The following TGM3 variants were observed in gnomAD, a reference collection of about 807,000 sequenced individuals.
TGM3 encodes protein-glutamine gamma-glutamyltransferase E.
A neutral mutation model predicts 73.8 loss-of-function variants in TGM3; 52 were observed. That is an observed-to-expected ratio of 0.70 (90% CI 0.56 to 0.89). TGM3 has a LOEUF of 0.89. Among genes scored for constraint, TGM3 ranks in the 40% least tolerant of loss-of-function variants. The pLI is 0.00. For missense variants in TGM3, 928 were observed against 909.9 expected (o/e 1.02, Z -0.26); for synonymous variants, 372 against 354.9 (o/e 1.05, Z -0.54).
intron 5 of TGM3, 21 bp from the exon 6 acceptor site, chr20:2,317,047 G>A (rs758643224): frequency 1.9e-6 from 3 of 1,610,054 alleles, no homozygotes; most frequent in Admixed American, 3.3e-5. Context: ...GACTCATTTT[G>A]GGGGGGTGGT....
At chr20:2,302,825 A>G (rs1316350640) in intron 1 of TGM3, among the ~76,000 whole-genome samples, 1 of 152,190 alleles carries the variant, frequency 6.6e-6, no homozygotes, top group Non-Finnish European at 1.5e-5. Context: ...GATGTCCATC[A>G]GCTGATGAAT....
intron 8 of TGM3, among the ~76,000 whole-genome samples, chr20:2,327,408 C>T (rs1184042358): frequency 3.3e-5 from 5 of 152,144 alleles, no homozygotes; most frequent in East Asian, 1.9e-4. Context: ...ACCCGGGAGG[C>T]GGAGCTTGCA....
At chr20:2,340,038 G>A (rs1274370554) in intron 12 of TGM3, 51 bp downstream of exon 12, 10 of 1,463,320 alleles carry the variant, frequency 6.8e-6, no homozygotes, top group Admixed American at 5.9e-5. Flanking sequence ...GGGGGCGGGG[G>A]GGCCCTCCAG....
intron 7 of TGM3, among the ~76,000 whole-genome samples, chr20:2,320,710 G>A (rs1382263006): frequency 3.3e-5 from 5 of 152,152 alleles, no homozygotes; most frequent in East Asian, 3.9e-4. Context: ...GACACTTTTC[G>A]GGGGAGCTTA....
intron 1 of TGM3, among the ~76,000 whole-genome samples, chr20:2,304,172 C>T (rs1454804062): frequency 1.3e-5 from 2 of 152,174 alleles, no homozygotes; most frequent in South Asian, 4.1e-4. Flanking sequence ...CTCTCCTTTC[C>T]TACACATTCT....
At chr20:2,297,256 C>A (rs1462904557) in intron 1 of TGM3, among the ~76,000 whole-genome samples, 1 of 152,174 alleles carries the variant, frequency 6.6e-6, no homozygotes, top group Admixed American at 6.5e-5. Flanking sequence ...TGTCCTGCTG[C>A]CAGAGCTGAG....
intron 8 of TGM3, among the ~76,000 whole-genome samples, chr20:2,326,705 G>A (rs747872725): frequency 7.2e-5 from 11 of 151,974 alleles, no homozygotes; most frequent in Admixed American, 3.9e-4. Context: ...AAAATTAGTC[G>A]GGCATGATAG....
chr20:2,305,235 G>GA (rs2084170799), intron 1 of TGM3, among the ~76,000 whole-genome samples: 1 of 71,868 alleles, frequency 1.4e-5, no homozygotes, highest in Non-Finnish European at 3.7e-5. Flanking sequence ...GCATAAGGCT[G>GA]AAAGTCCCAA....
At chr20:2,325,666 G>T (rs1012621) in intron 7 of TGM3, among the ~76,000 whole-genome samples, 183 bp from the exon 8 acceptor site, 86,613 of 152,122 alleles carry the variant, frequency 0.57, 28,602 homozygotes, top group East Asian at 0.81. Context: ...GGTACCTATT[G>T]CACAGTGCTG....
intron 4 of TGM3, among the ~76,000 whole-genome samples, chr20:2,312,665 T>C (rs1325525889): frequency 1.3e-5 from 2 of 152,190 alleles, no homozygotes; most frequent in Non-Finnish European, 2.9e-5. Flanking sequence ...TTGTTGTTGT[T>C]TCAAAAGCTG....
At chr20:2,314,317 T>C (rs1172927640) in intron 5 of TGM3, among the ~76,000 whole-genome samples, 1 of 151,808 alleles carries the variant, frequency 6.6e-6, no homozygotes, top group Non-Finnish European at 1.5e-5. Context: ...GCCTGGGTTA[T>C]AGAGCAAGAC....
At chr20:2,298,008 G>T (rs1470205786) in intron 1 of TGM3, among the ~76,000 whole-genome samples, 3 of 149,296 alleles carry the variant, frequency 2.0e-5, no homozygotes, top group African/African-American at 7.4e-5. Flanking sequence ...CTGGAATTTG[G>T]GATAGGGAAG....
intron 1 of TGM3, among the ~76,000 whole-genome samples, chr20:2,308,679 G>A (rs2084186972): frequency 6.6e-6 from 1 of 152,224 alleles, no homozygotes. Context: ...ACTGCTCAGA[G>A]TCTCCGCCAG....
Position 2,328,460 on chromosome 20 carries a change from C to A in TGM3, c.1333+95C>A. On this transcript the variant is annotated intron_variant, in intron 9 of 12. Coordinates refer to ENST00000381458, the MANE Select transcript of TGM3 (RefSeq NM_003245.4). The surrounding 1 kb of genome is among the most constrained non-coding windows in gnomAD (Gnocchi z 5.2). ...AGGAGAAAAGTCCTCACCTCCCCCG[C>A]ACTGGCAGCCAGTTCTGCCTGAATG... 6.6e-7 allele frequency: 1 copy of A among 1,508,642 alleles called. No homozygotes were observed. Among genetic ancestry groups the A allele is most frequent in the Non-Finnish European group, 9.0e-7 (1 of 1,116,216 alleles). The allele number at this position is 1,508,642 out of a possible 1,614,324, so 93.5% of individuals were successfully genotyped here. A position where few individuals can be genotyped will look rare whatever the true frequency, so the allele number is the denominator to read the frequency against.
intron 7 of TGM3, among the ~76,000 whole-genome samples, chr20:2,318,312 C>T (rs1003394507): frequency 6.6e-6 from 1 of 152,160 alleles, no homozygotes; most frequent in Non-Finnish European, 1.5e-5. Flanking sequence ...AGCCACTGCA[C>T]CCGGCCAAAA....
chr20:2,309,299 A>G (rs1322511427), intron 1 of TGM3, among the ~76,000 whole-genome samples: 1 of 152,184 alleles, frequency 6.6e-6, no homozygotes, highest in Non-Finnish European at 1.5e-5. Flanking sequence ...TCCACTGAAC[A>G]TTTGGCCCGT....
intron 4 of TGM3, among the ~76,000 whole-genome samples, chr20:2,312,102 C>T (rs2084206606): frequency 6.6e-6 from 1 of 152,094 alleles, no homozygotes; most frequent in African/African-American, 2.4e-5. Flanking sequence ...CAATAACGTG[C>T]TCAAGATTGC....
chr20:2,340,654 C>G lies in TGM3; in HGVS notation c.*73C>G. On this transcript the variant is annotated 3_prime_UTR_variant, in exon 13 of 13. Coordinates refer to ENST00000381458, the MANE Select transcript of TGM3 (RefSeq NM_003245.4). ...AGAGCTCACCATGGAATGAACCCCC[C>G]GCCCATGCTGTCCGGCCTGGGAAAC... 1 of 1,593,402 alleles carries G rather than the reference C, an allele frequency of 6.3e-7. No individual in the cohort carries two copies. The highest frequency in any genetic ancestry group is 1.1e-5 in the South Asian group (1 of 89,604).
chr20:2,340,135 C>A, intron 12 of TGM3, 148 bp downstream of exon 12: 2 of 1,102,572 alleles, frequency 1.8e-6, no homozygotes, highest in Non-Finnish European at 2.6e-6. Flanking sequence ...TCTGCTTTTG[C>A]ATTTGGTTTG....
Sources: gnomAD v4.1 joint callset for allele counts (sites outside exome capture counted in the v4.1 genomes callset) on GRCh38, gnomAD v4.1.1 for gene constraint, Gnocchi (gnomAD v3.1) non-coding constraint, MANE v1.5 for transcripts, NCBI Gene and HGNC (gene_info 2026-07-23, HGNC 2026-07-21) for gene names.